Variants in VRK2 observed in about 807,000 individuals in gnomAD.
VRK2 encodes the protein serine/threonine-protein kinase VRK2.
VRK2 carries 60 observed loss-of-function variants against 57.6 expected under a neutral mutation model. The observed-to-expected ratio is 1.04, with a 90% CI of 0.85 to 1.29. The LOEUF is 1.29. Among genes scored for constraint, VRK2 ranks in the 50% most tolerant of loss-of-function variants. The pLI is 0.00. For synonymous variants in VRK2, 231 were observed against 199.2 expected, an observed-to-expected ratio of 1.16 and a Z score of -1.35; for missense variants, 705 against 588.1, an observed-to-expected ratio of 1.20 and a Z score of -2.06.
At chr2:58,008,422 C>T (rs6754291) in intron 1 of VRK2, among the ~76,000 whole-genome samples, 1,809 of 151,950 alleles carry the variant, frequency 0.012, 41 homozygotes, top group African/African-American at 0.041. Context: ...GACAAATCCA[C>T]AATAATAGCT....
intron 2 of VRK2, among the ~76,000 whole-genome samples, chr2:58,081,257 G>A (rs1003923377): frequency 6.6e-6 from 1 of 151,920 alleles, no homozygotes; most frequent in Non-Finnish European, 1.5e-5. Flanking sequence ...TGGACAGACA[G>A]GATTGAGTGT....
chr2:58,045,456 T>C (rs910185578), upstream of VRK2, among the ~76,000 whole-genome samples: 1 of 152,210 alleles, frequency 6.6e-6, no homozygotes. Flanking sequence ...GTACCCAATA[T>C]GGATATTAGG....
chr2:58,032,379 G>A (rs953332703), intron 2 of VRK2, among the ~76,000 whole-genome samples: 3 of 152,076 alleles, frequency 2.0e-5, no homozygotes, highest in Non-Finnish European at 4.4e-5. Context: ...AAGATTCATT[G>A]TCTAGTGAGG....
intron 7 of VRK2, among the ~76,000 whole-genome samples, chr2:58,108,352 C>G (rs1412447488): frequency 6.6e-6 from 1 of 152,080 alleles, no homozygotes; most frequent in Non-Finnish European, 1.5e-5. Flanking sequence ...TAAATGGACT[C>G]TCTGCATCCA....
intron 1 of VRK2, among the ~76,000 whole-genome samples, chr2:57,969,957 G>A (rs1011776412): frequency 6.6e-6 from 1 of 151,670 alleles, no homozygotes; most frequent in Admixed American, 6.6e-5. Flanking sequence ...TTCAGTTTCA[G>A]TTTCCCCCCC....
chr2:58,083,785 A>C (rs910199362), intron 2 of VRK2, among the ~76,000 whole-genome samples: 1 of 151,758 alleles, frequency 6.6e-6, no homozygotes, highest in Admixed American at 6.6e-5. Context: ...CATATTGTCT[A>C]TTGATTCTGT....
chr2:58,117,250 T>A (rs1406690393), intron 7 of VRK2, among the ~76,000 whole-genome samples: 1 of 152,096 alleles, frequency 6.6e-6, no homozygotes. Context: ...CGCTTCTGAT[T>A]TGGGATAAAG....
chr2:58,074,348 A>G (rs181351172), intron 2 of VRK2, among the ~76,000 whole-genome samples: 122 of 151,940 alleles, frequency 8.0e-4, no homozygotes, highest in Admixed American at 1.6e-3. Context: ...TCTATTTGTT[A>G]TGCTTGTTCT....
intron 4 of VRK2, 139 bp downstream of exon 4, chr2:58,085,089 CA>C: frequency 1.4e-6 from 1 of 691,636 alleles, no homozygotes; most frequent in South Asian, 2.3e-5. Flanking sequence ...TTAACTGTTA[CA>C]ACATATAAAA....
intron 5 of VRK2, among the ~76,000 whole-genome samples, chr2:58,087,684 A>G (rs1255682008): frequency 3.9e-5 from 6 of 152,172 alleles, no homozygotes; most frequent in Non-Finnish European, 5.9e-5. Context: ...TTATCAAGAA[A>G]CAAACAAATA....
At chr2:58,051,768 G>A (rs1328470950) in intron 2 of VRK2, among the ~76,000 whole-genome samples, 1 of 152,180 alleles carries the variant, frequency 6.6e-6, no homozygotes, top group Non-Finnish European at 1.5e-5. Flanking sequence ...CAGTTAAGGG[G>A]AAGGGGCAGA....
At chr2:57,989,376 A>T (rs901594117) in intron 1 of VRK2, among the ~76,000 whole-genome samples, 4 of 152,228 alleles carry the variant, frequency 2.6e-5, no homozygotes, top group Admixed American at 6.5e-5. Context: ...TTCTTAATAT[A>T]ATTCTAATAT....
intron 2 of VRK2, among the ~76,000 whole-genome samples, chr2:58,060,097 A>G (rs531156706): frequency 3.9e-5 from 6 of 151,910 alleles, no homozygotes; most frequent in Admixed American, 2.0e-4. Context: ...TAAGGAGGAT[A>G]GTAGAAGAAA....
chr2:58,077,040 TCTC>T (rs1333802596), intron 2 of VRK2, among the ~76,000 whole-genome samples: 2 of 151,984 alleles, frequency 1.3e-5, no homozygotes, highest in African/African-American at 2.4e-5. Context: ...TTTTGCCAGT[TCTC>T]CTACTAATGT....
chr2:57,975,157 T>G (rs956111145), intron 1 of VRK2, among the ~76,000 whole-genome samples: 1 of 151,938 alleles, frequency 6.6e-6, no homozygotes, highest in Non-Finnish European at 1.5e-5. Flanking sequence ...GAAAACGATG[T>G]TCTATAATCA....
chr2:58,087,645 A>G (rs1242296762), intron 5 of VRK2, among the ~76,000 whole-genome samples: 2 of 152,226 alleles, frequency 1.3e-5, no homozygotes, highest in Non-Finnish European at 2.9e-5. Flanking sequence ...AGACATGTTT[A>G]TAAATGTATA....
chr2:58,030,959 C>T (rs144696687), intron 2 of VRK2, among the ~76,000 whole-genome samples: 2 of 152,154 alleles, frequency 1.3e-5, no homozygotes, highest in East Asian at 3.9e-4. Flanking sequence ...ATCAGTCTGG[C>T]TTAGAGTCCA....
intron 7 of VRK2, among the ~76,000 whole-genome samples, chr2:58,103,736 A>C (rs568600281): frequency 8.6e-5 from 13 of 151,922 alleles, no homozygotes; most frequent in Admixed American, 2.0e-4. Context: ...AATTCTCCCT[A>C]GTTCATTCTA....
Position 58,049,777 on chromosome 2 carries a change from C to T in VRK2, c.136+810C>T, listed in dbSNP as rs191003953. 2.3e-3 allele frequency among the ~76,000 whole-genome samples: 350 copies of T among 152,238 alleles called. 1 individual carries two copies. Among genetic ancestry groups the T allele is most frequent in the Middle Eastern group, 3.4e-3 (1 of 294 alleles). ...AGGAGATTAAGGAGTTGATAAAATA[C>T]CTCCGTTGAGGGAATCTTGGGTTCT... On this transcript the variant is annotated intron_variant, in intron 2 of 12. Transcript: ENST00000340157.
Sources: gnomAD v4.1 joint callset for allele counts (sites outside exome capture counted in the v4.1 genomes callset) on GRCh38, gnomAD v4.1.1 for gene constraint, MANE v1.5 for transcripts, NCBI Gene and HGNC (gene_info 2026-07-23, HGNC 2026-07-21) for gene names.